The following TRIM3 variants were observed in gnomAD, a reference collection of about 807,000 sequenced individuals.
TRIM3 encodes tripartite motif-containing protein 3.
Under a neutral mutation model 66.6 loss-of-function variants are expected in TRIM3, and 13 were observed. The observed-to-expected ratio is 0.20, with a 90% CI of 0.13 to 0.31. The LOEUF (loss-of-function observed/expected upper bound fraction) is 0.31, where lower values mean the gene tolerates loss of function less well. TRIM3 is among the 10% of genes least tolerant of loss of function. TRIM3 has a pLI of 1.00. For missense variants in TRIM3, 711 were observed against 1,020.4 expected, an observed-to-expected ratio of 0.70 and a Z score of 4.13; for synonymous variants, 406 against 411.7, an observed-to-expected ratio of 0.99 and a Z score of 0.17.
intron 2 of TRIM3, among the ~76,000 whole-genome samples, chr11:6,460,529 T>C (rs536545266): frequency 1.8e-4 from 28 of 152,054 alleles, no homozygotes; most frequent in Non-Finnish European, 7.4e-5. Context: ...TGGACGTCAG[T>C]CTCTGAATGG....
intron 7 of TRIM3, chr11:6,451,868 T>A (rs1849736665): frequency 5.9e-6 from 1 of 169,926 alleles, no homozygotes; most frequent in East Asian, 1.8e-4. Context: ...AAGAAGGAAT[T>A]ATGTTTTATC....
Position 6,457,906 on chromosome 11 carries a change from C to A in TRIM3, c.364-59G>T. 6.2e-7 allele frequency: 1 copy of A among 1,600,330 alleles called. No individual in the cohort carries two copies. The highest frequency in any genetic ancestry group is 8.5e-7 in the Non-Finnish European group (1 of 1,171,044). ...AGACATCACACTTCTTTGTCCCCTC[C>A]CCACCTGCCCTCCCTGCCCCTCACC... On this transcript the variant is annotated intron_variant, in intron 3 of 11. Transcript: ENST00000345851. This position sits in a 1 kb window ranked among gnomAD's most constrained non-coding sequence, Gnocchi z 4.5.
intron 1 of TRIM3, among the ~76,000 whole-genome samples, chr11:6,469,361 C>T (rs1220817538): frequency 6.6e-6 from 1 of 152,180 alleles, no homozygotes; most frequent in African/African-American, 2.4e-5. Context: ...ACTTACTGGG[C>T]ATGCAGCCGC....
Position 6,456,146 on chromosome 11 carries a change from T to A in TRIM3, c.1459A>T (p.Thr487Ser). 1 of 1,614,120 alleles carries A rather than the reference T, an allele frequency of 6.2e-7. No homozygotes were observed. Among genetic ancestry groups the A allele is most frequent in the Non-Finnish European group, 8.5e-7 (1 of 1,180,024 alleles). ...GCTGCGGACACACCTTGTAAATTGG[T>A]GAATTCACCTTTCTCCCTTCCACGA... The part of the protein sequence containing the change: ...GSRGREKGEF[T>S]NLQGVSAASS... The change falls in exon 7 of 12, where the codon ACC (threonine) becomes TCC (serine). Residue 487 changes from threonine to serine, a missense_variant. Thr to Ser is a moderately conservative substitution (Grantham distance 58). Transcript: ENST00000345851. This position sits in a 1 kb window ranked among gnomAD's most constrained non-coding sequence, Gnocchi z 6.4.
chr11:6,468,046 G>A (rs1017070161), intron 1 of TRIM3, among the ~76,000 whole-genome samples: 2 of 152,180 alleles, frequency 1.3e-5, no homozygotes, highest in Non-Finnish European at 2.9e-5. Flanking sequence ...CACTTCGAGA[G>A]GCTGAGGAAG....
intron 1 of TRIM3, 107 bp downstream of exon 1, chr11:6,473,684 G>C (rs1047209817): frequency 1.3e-5 from 2 of 152,202 alleles, no homozygotes; most frequent in Non-Finnish European, 2.9e-5. Flanking sequence ...GGCAGAGAGA[G>C]GCACAGCTTT....
chr11:6,465,188 C>T (rs1181322225), intron 2 of TRIM3, among the ~76,000 whole-genome samples: 1 of 152,028 alleles, frequency 6.6e-6, no homozygotes, highest in Non-Finnish European at 1.5e-5. Flanking sequence ...CAAGGACAAG[C>T]AGGGAAGGAC....
Position 6,458,039 on chromosome 11 carries a change from C to T in TRIM3, c.363+26G>A. The T allele has an allele frequency of 2.5e-6, 4 of 1,580,056 alleles. No individual in the cohort carries two copies. The highest frequency in any genetic ancestry group is 3.4e-6 in the Non-Finnish European group (4 of 1,162,782). On this transcript the variant is annotated intron_variant, in intron 3 of 11. Transcript: ENST00000345851. This position sits in a 1 kb window ranked among gnomAD's most constrained non-coding sequence, Gnocchi z 6.2. Reference sequence around the variant, plus strand: ...CTCCTCCTCCCACCCCAAGTCCCGGCCTCACTGGGCCTCGCTTGGGCCCAC... The same window carrying T: ...CTCCTCCTCCCACCCCAAGTCCCGGTCTCACTGGGCCTCGCTTGGGCCCAC...
rs765457750 is a variant in TRIM3 at position 6,451,064 on chromosome 11, G to T, written c.1702-4C>A. ...GGCGGCCAGCTCCAATCTTGGTCTG[G>T]AGGAAGAGAATATCCATAAGAGGCT... On this transcript the variant is annotated splice_region_variant and splice_polypyrimidine_tract_variant and intron_variant, in intron 8 of 11. Coordinates refer to ENST00000345851, the MANE Select transcript of TRIM3 (RefSeq NM_033278.4). The T allele has an allele frequency of 3.7e-6, 6 of 1,614,034 alleles. No individual in the cohort carries two copies. Among genetic ancestry groups the T allele is most frequent in the South Asian group, 1.1e-5 (1 of 91,078 alleles).
Position 6,456,634 on chromosome 11 carries a change from T to C in TRIM3, c.1092A>G (p.Ala364=), listed in dbSNP as rs1849999157. The stretch of plus-strand genomic sequence containing the variant: ...GCGTGCCGTCCGGGCCGGTGATCTC[T>C]GCACGCAGCTCAGCGCTGCCTGTGC... ...LVRTGSAELR[A]EITGPDGTRL... The change falls in exon 6 of 12, where the codon GCA becomes GCG. Residue 364 remains alanine, a synonymous_variant. Coordinates refer to ENST00000345851, the MANE Select transcript of TRIM3 (RefSeq NM_033278.4). This position sits in a 1 kb window ranked among gnomAD's most constrained non-coding sequence, Gnocchi z 6.4. 2 of 1,612,496 alleles carry C rather than the reference T, an allele frequency of 1.2e-6. No individual in the cohort carries two copies. The highest frequency in any genetic ancestry group is 2.2e-5 in the East Asian group (1 of 44,880).
At chr11:6,459,626 T>G (rs1044412535) in intron 2 of TRIM3, among the ~76,000 whole-genome samples, 1 of 152,206 alleles carries the variant, frequency 6.6e-6, no homozygotes, top group Non-Finnish European at 1.5e-5. Flanking sequence ...TACAATCATC[T>G]AGGTAGGAAG....
intron 7 of TRIM3, chr11:6,451,978 G>C (rs1849742164): frequency 6.5e-6 from 1 of 154,552 alleles, no homozygotes; most frequent in South Asian, 2.0e-4. Flanking sequence ...GAGAAGTCAA[G>C]ACTACAAGCT....
rs758796306 is a variant in TRIM3, at chr11:6,450,668, T to C, written c.1871-47A>G. Reference sequence around the variant, plus strand: ...CAGGGCAGTAAGCTGGGATGCTGAGTGGGATGGGGAAGAGTATCTGGGAAG... The same window carrying C: ...CAGGGCAGTAAGCTGGGATGCTGAGCGGGATGGGGAAGAGTATCTGGGAAG... On this transcript the variant is annotated intron_variant, in intron 9 of 11. Coordinates refer to ENST00000345851, the MANE Select transcript of TRIM3 (RefSeq NM_033278.4). This position sits in a 1 kb window ranked among gnomAD's most constrained non-coding sequence, Gnocchi z 4.8. 1.7e-5 allele frequency: 26 copies of C among 1,573,134 alleles called. No individual in the cohort carries two copies. The highest frequency in any genetic ancestry group is 2.1e-5 in the Non-Finnish European group (24 of 1,143,574).
rs374241194 is a variant in TRIM3, at chr11:6,458,339, C to T, written c.132-43G>A. ...TCAAAGAACAGAGTGGGTGGGGTGGCATAAGTGCACCCTTCCTTATACTTC... is the reference window on the plus strand; with the variant it reads ...TCAAAGAACAGAGTGGGTGGGGTGGTATAAGTGCACCCTTCCTTATACTTC... On this transcript the variant is annotated intron_variant, in intron 2 of 11. Transcript: ENST00000345851. The surrounding 1 kb of genome is among the most constrained non-coding windows in gnomAD (Gnocchi z 6.2). 2.3e-5 allele frequency: 35 copies of T among 1,517,056 alleles called. No individual in the cohort carries two copies. Among genetic ancestry groups the T allele is most frequent in the South Asian group, 1.3e-4 (11 of 85,806 alleles). 94.0% of individuals were successfully genotyped at this position (1,517,056 alleles called of 1,614,324 possible).
Position 6,448,759 on chromosome 11 carries a change from CA to C in TRIM3, c.*268del, listed in dbSNP as rs1384914074. On this transcript the variant is annotated 3_prime_UTR_variant, in exon 12 of 12. Transcript: ENST00000345851. Reference sequence around the variant, plus strand: ...GGCTGGGGGATGGGGAGCAGACTGACAGGGGTGGGGAGGTGTGTAAGAAGGG... The same window carrying C: ...GGCTGGGGGATGGGGAGCAGACTGACGGGGTGGGGAGGTGTGTAAGAAGGG... 2 of 614,450 alleles carry C rather than the reference CA, an allele frequency of 3.3e-6. No individual in the cohort carries two copies. Among genetic ancestry groups the C allele is most frequent in the Non-Finnish European group, 5.8e-6 (2 of 346,400 alleles). 38.1% of individuals were successfully genotyped at this position (614,450 alleles called of 1,614,324 possible). A position where few individuals can be genotyped will look rare whatever the true frequency, so the allele number is the denominator to read the frequency against.
In TRIM3 at chr11:6,456,620, G is replaced by A. The variant is rs1849997998; in HGVS notation, c.1106C>T (p.Pro369Leu). ...SAELRAEITG[P>L]DGTRLPVPVV... The stretch of plus-strand genomic sequence containing the variant: ...TGGCACCGGAAGGCGCGTGCCGTCC[G>A]GGCCGGTGATCTCTGCACGCAGCTC... The change falls in exon 6 of 12, where the codon CCG (proline) becomes CTG (leucine). Residue 369 changes from proline to leucine, a missense_variant. By Grantham distance (98) the Pro-to-Leu change is moderately conservative. This residue lies in a region of TRIM3 where 399 missense variants were observed against 458.1 expected (regional missense o/e 0.87). Coordinates refer to ENST00000345851, the MANE Select transcript of TRIM3 (RefSeq NM_033278.4). The surrounding 1 kb of genome is among the most constrained non-coding windows in gnomAD (Gnocchi z 6.4). The A allele has an allele frequency of 2.5e-6, 4 of 1,612,738 alleles. No individual in the cohort carries two copies. Among genetic ancestry groups the A allele is most frequent in the Non-Finnish European group, 3.4e-6 (4 of 1,179,840 alleles).
In TRIM3 at chr11:6,473,252, C is replaced by CA. The variant is rs199550708; in HGVS notation, c.-38+538dup. ...GGAGAACCAGAGGGGTCCTTTCCTA[C>CA]AAAAAAACAGCCTCCACATGAGGCT... On this transcript the variant is annotated intron_variant, in intron 1 of 11. Coordinates refer to ENST00000345851, the MANE Select transcript of TRIM3 (RefSeq NM_033278.4). 5.2e-3 allele frequency: 791 copies of CA among 151,820 alleles called. 3 individuals carry two copies. The highest frequency in any genetic ancestry group is 6.1e-3 in the Non-Finnish European group (415 of 67,948). The allele number at this position is 151,820 out of a possible 1,614,324, so 9.4% of individuals were successfully genotyped here. A position where few individuals can be genotyped will look rare whatever the true frequency, so the allele number is the denominator to read the frequency against.
Position 6,457,584 on chromosome 11 carries a change from C to T in TRIM3, c.516-108G>A, listed in dbSNP as rs2134185028. On this transcript the variant is annotated intron_variant, in intron 4 of 11. Coordinates refer to ENST00000345851, the MANE Select transcript of TRIM3 (RefSeq NM_033278.4). The surrounding 1 kb of genome is among the most constrained non-coding windows in gnomAD (Gnocchi z 4.5). ...CCTCATGGAGATCTCCTTCCTGAGA[C>T]CTCCCTGAGACTTCCATCTCTGCCC... 6.5e-7 allele frequency: 1 copy of T among 1,545,288 alleles called. No homozygotes were observed. The highest frequency in any genetic ancestry group is 2.3e-5 in the East Asian group (1 of 44,302).
rs1849964967 is a variant in TRIM3, at chr11:6,456,266, C to T, written c.1429+31G>A. On this transcript the variant is annotated intron_variant, in intron 6 of 11. Transcript: ENST00000345851. This position sits in a 1 kb window ranked among gnomAD's most constrained non-coding sequence, Gnocchi z 6.4. ...CTCCCCACCCACTACCTGAGCCTGG[C>T]CCATCTGGCTCTGCCCTCGGCTGTC... 1 of 1,586,712 alleles carries T rather than the reference C, an allele frequency of 6.3e-7. No individual in the cohort carries two copies. The highest frequency in any genetic ancestry group is 1.3e-5 in the African/African-American group (1 of 74,602).
Sources: allele counts gnomAD v4.1 joint callset (sites outside exome capture counted in the v4.1 genomes callset), GRCh38; gene constraint gnomAD v4.1.1; regional missense constraint gnomAD v4.1.1; non-coding constraint Gnocchi (gnomAD v3.1); transcripts MANE v1.5; gene names NCBI Gene and HGNC (gene_info 2026-07-23, HGNC 2026-07-21).